Variants in RALGPS1 observed in about 807,000 individuals in gnomAD.
RALGPS1 encodes Ral GEF with PH domain and SH3 binding motif 1.
In RALGPS1, 19 loss-of-function variants were observed where a neutral mutation model predicts 78.8. The observed-to-expected ratio is 0.24, with a 90% CI of 0.17 to 0.35. The LOEUF is 0.35. Among genes scored for constraint, RALGPS1 ranks in the 10% least tolerant of loss-of-function variants. The probability of loss-of-function intolerance (pLI) is 1.00; values close to 1 mark genes in which losing one functional copy is unlikely to be tolerated. For synonymous variants in RALGPS1, 228 were observed against 256.3 expected (o/e 0.89, Z 1.06); for missense variants, 454 against 688.3 (o/e 0.66, Z 3.81).
chr9:127,192,623 G>A (rs527694604), intron 11 of RALGPS1, among the ~76,000 whole-genome samples: 92 of 152,086 alleles, frequency 6.0e-4, no homozygotes, highest in Non-Finnish European at 9.1e-4. Flanking sequence ...GCATCACTGC[G>A]CTCCATCCTG....
At chr9:127,086,016 G>A (rs2051686165) in intron 8 of RALGPS1, among the ~76,000 whole-genome samples, 2 of 152,182 alleles carry the variant, frequency 1.3e-5, no homozygotes, top group Non-Finnish European at 2.9e-5. Context: ...ATTCTTACCA[G>A]CAGTCTGACT....
intron 1 of RALGPS1, among the ~76,000 whole-genome samples, chr9:126,951,213 A>C (rs1057462524): frequency 2.0e-5 from 3 of 149,810 alleles, no homozygotes; most frequent in African/African-American, 7.3e-5. Flanking sequence ...GACCAGATGG[A>C]TTCACAGCCG....
At chr9:127,023,106 T>G (rs935022159) in intron 4 of RALGPS1, among the ~76,000 whole-genome samples, 2 of 152,154 alleles carry the variant, frequency 1.3e-5, no homozygotes, top group African/African-American at 4.8e-5. Flanking sequence ...AACACCATCA[T>G]CATCATCATC....
chr9:127,010,091 T>G (rs1208280725), intron 4 of RALGPS1, among the ~76,000 whole-genome samples: 1 of 151,790 alleles, frequency 6.6e-6, no homozygotes, highest in Admixed American at 6.6e-5. Context: ...GCTGTGAGAG[T>G]AGAACAGTGG....
chr9:127,125,756 G>A lies in RALGPS1; in HGVS notation c.611-40313G>A, dbSNP rs571555180. Among the ~76,000 whole-genome samples the A allele has an allele frequency of 3.9e-5, 6 of 152,260 alleles. No individual in the cohort carries two copies. The South Asian group carries it at 1.2e-3, about 32-fold the overall frequency. ...CAGACAGAAGCATCATGTGACTAAA[G>A]CATTTGAGGAGAAGGGAATCTTCCT... On this transcript the variant is annotated intron_variant, in intron 8 of 18. Coordinates refer to ENST00000259351, the MANE Select transcript of RALGPS1 (RefSeq NM_014636.3).
chr9:126,989,078 T>TCATCAG, intron 4 of RALGPS1, among the ~76,000 whole-genome samples: 2 of 151,974 alleles, frequency 1.3e-5, no homozygotes, highest in South Asian at 4.2e-4. Context: ...ATCATCATCA[T>TCATCAG]CATCAGCATC....
intron 1 of RALGPS1, among the ~76,000 whole-genome samples, chr9:126,944,378 G>A (rs952892694): frequency 6.6e-6 from 1 of 151,468 alleles, no homozygotes; most frequent in Non-Finnish European, 1.5e-5. Context: ...AAGAGGGAGG[G>A]AAAAGGAGGT....
intron 8 of RALGPS1, among the ~76,000 whole-genome samples, chr9:127,104,393 T>C (rs2054022387): frequency 6.6e-6 from 1 of 152,224 alleles, no homozygotes; most frequent in Admixed American, 6.5e-5. Flanking sequence ...GCCTGCTCTA[T>C]CCTTTGCCTC....
intron 11 of RALGPS1, among the ~76,000 whole-genome samples, chr9:127,192,079 C>T (rs186981811): frequency 6.6e-5 from 10 of 152,298 alleles, no homozygotes; most frequent in South Asian, 4.1e-4. Context: ...TCAAGCAAGG[C>T]GGTGACATGG....
At chr9:127,086,269 A>G (rs577514197) in intron 8 of RALGPS1, among the ~76,000 whole-genome samples, 9 of 152,356 alleles carry the variant, frequency 5.9e-5, no homozygotes, top group African/African-American at 1.7e-4. Context: ...GGCCCAGGGT[A>G]TAAGTGCATT....
chr9:127,089,537 C>T (rs535693212), intron 8 of RALGPS1, among the ~76,000 whole-genome samples: 1 of 152,222 alleles, frequency 6.6e-6, no homozygotes, highest in East Asian at 1.9e-4. Flanking sequence ...ATGGAGATGG[C>T]CTGAGGTGGG....
chr9:126,998,711 A>G (rs961301454), intron 4 of RALGPS1, among the ~76,000 whole-genome samples: 1 of 152,126 alleles, frequency 6.6e-6, no homozygotes, highest in African/African-American at 2.4e-5. Context: ...ATAAAGACAC[A>G]TGCACACGTA....
At chr9:127,018,679 T>TAATAATAAC (rs947228792) in intron 4 of RALGPS1, among the ~76,000 whole-genome samples, 4 of 147,884 alleles carry the variant, frequency 2.7e-5, no homozygotes, top group Non-Finnish European at 4.5e-5. Context: ...ATAATAATAA[T>TAATAATAAC]AACGATGAAA....
chr9:127,059,682 G>T (rs1005743164), intron 7 of RALGPS1, among the ~76,000 whole-genome samples: 5 of 151,874 alleles, frequency 3.3e-5, no homozygotes, highest in African/African-American at 1.2e-4. Flanking sequence ...TTCAGTTATA[G>T]CCCTGATCTC....
chr9:127,093,832 C>G, intron 8 of RALGPS1: 1 of 1,614,168 alleles, frequency 6.2e-7, no homozygotes, highest in Non-Finnish European at 8.5e-7. Flanking sequence ...CGCACCACAC[C>G]TGCATGAGGC....
chr9:127,170,054 GT>G (rs1564710468), intron 10 of RALGPS1, among the ~76,000 whole-genome samples: 1 of 152,166 alleles, frequency 6.6e-6, no homozygotes, highest in African/African-American at 2.4e-5. Context: ...TTGGAATCTT[GT>G]TATTCCAGTA....
intron 8 of RALGPS1, among the ~76,000 whole-genome samples, chr9:127,139,687 C>T (rs1417927130): frequency 6.6e-6 from 1 of 152,198 alleles, no homozygotes; most frequent in Non-Finnish European, 1.5e-5. Flanking sequence ...ACCAGTCAGG[C>T]GTGTGGTGTG....
chr9:126,942,645 T>C (rs971123471), intron 1 of RALGPS1, among the ~76,000 whole-genome samples: 2 of 152,220 alleles, frequency 1.3e-5, no homozygotes, highest in African/African-American at 2.4e-5. Context: ...CTTACTGTAG[T>C]TCTTTTTTGA....
chr9:127,084,032 T>C lies in RALGPS1; in HGVS notation c.610+14676T>C, dbSNP rs188009892. 1.4e-3 allele frequency among the ~76,000 whole-genome samples: 210 copies of C among 152,196 alleles called. 2 individuals carry two copies. The highest frequency in any genetic ancestry group is 4.8e-3 in the African/African-American group (198 of 41,524). On this transcript the variant is annotated intron_variant, in intron 8 of 18. Transcript: ENST00000259351. ...CTGAAGTGAGCCTCCCACCTCAGCT[T>C]CCCGAGTAGCTAGGACCACAGGTAC...
Sources: allele counts gnomAD v4.1 joint callset (sites outside exome capture counted in the v4.1 genomes callset), GRCh38; gene constraint gnomAD v4.1.1; transcripts MANE v1.5; gene names NCBI Gene and HGNC (gene_info 2026-07-23, HGNC 2026-07-21).